The following HS2ST1 variants were observed in gnomAD, a reference collection of about 807,000 sequenced individuals.
HS2ST1 encodes the protein heparan sulfate 2-O-sulfotransferase 1, also known as 2-O-sulfotransferase.
In HS2ST1, 18 loss-of-function variants were observed where a neutral mutation model predicts 42.9. That is an observed-to-expected ratio of 0.42 (90% CI 0.29 to 0.62). The LOEUF is 0.62. Ranked by LOEUF, HS2ST1 falls within the 20% of genes least tolerant of loss-of-function variation. HS2ST1 has a pLI of 0.21. For missense variants in HS2ST1, 334 were observed against 433.8 expected, an observed-to-expected ratio of 0.77 and a Z score of 2.04; for synonymous variants, 146 against 152.9, an observed-to-expected ratio of 0.95 and a Z score of 0.33.
At chr1:86,961,954 T>C (rs1647857949) in intron 1 of HS2ST1, among the ~76,000 whole-genome samples, 1 of 152,206 alleles carries the variant, frequency 6.6e-6, no homozygotes, top group Non-Finnish European at 1.5e-5. Context: ...GTTTTTTTTA[T>C]GACTAATATT....
At chr1:87,083,134 A>G (rs141531213) in intron 2 of HS2ST1, among the ~76,000 whole-genome samples, 80 of 152,218 alleles carry the variant, frequency 5.3e-4, no homozygotes, top group African/African-American at 1.9e-3. Context: ...TCCCTCACCT[A>G]CCAATAGGCC....
chr1:87,008,475 G>A (rs1352303668), intron 1 of HS2ST1, among the ~76,000 whole-genome samples: 1 of 152,146 alleles, frequency 6.6e-6, no homozygotes, highest in Non-Finnish European at 1.5e-5. Flanking sequence ...TAATTACTGA[G>A]CAACAATGAC....
At chr1:87,025,187 T>TAAA (rs10689285) in intron 1 of HS2ST1, among the ~76,000 whole-genome samples, 137,469 of 152,070 alleles carry the variant, frequency 0.9, 62,397 homozygotes, top group East Asian at 0.99. Context: ...ACTGGAGAAG[T>TAAA]GAAGAACAGG....
intron 2 of HS2ST1, among the ~76,000 whole-genome samples, chr1:87,081,629 C>G (rs1057255797): frequency 2.0e-5 from 3 of 151,796 alleles, no homozygotes; most frequent in African/African-American, 7.3e-5. Flanking sequence ...TCTTAAAGAG[C>G]TAGAAAAGCA....
chr1:87,039,926 T>G (rs971714623), intron 1 of HS2ST1, among the ~76,000 whole-genome samples: 4 of 152,186 alleles, frequency 2.6e-5, no homozygotes, highest in Non-Finnish European at 5.9e-5. Flanking sequence ...AAGTAGTGTC[T>G]AATTTGTGTA....
intron 4 of HS2ST1, among the ~76,000 whole-genome samples, chr1:87,094,427 G>T (rs1652016388): frequency 6.6e-6 from 1 of 152,014 alleles, no homozygotes; most frequent in Admixed American, 6.6e-5. Flanking sequence ...TATTTTTTCA[G>T]GTAGCTTGCG....
intron 1 of HS2ST1, among the ~76,000 whole-genome samples, chr1:86,919,206 A>G (rs977712056): frequency 1.3e-5 from 2 of 151,982 alleles, no homozygotes; most frequent in African/African-American, 2.4e-5. Flanking sequence ...CTGCCTTCCA[A>G]AATGCTGGGA....
At chr1:86,935,765 C>T (rs1035363617) in intron 1 of HS2ST1, among the ~76,000 whole-genome samples, 1 of 152,012 alleles carries the variant, frequency 6.6e-6, no homozygotes, top group Non-Finnish European at 1.5e-5. Context: ...CACATGGCCT[C>T]ATAATTTTCT....
intron 1 of HS2ST1, among the ~76,000 whole-genome samples, chr1:87,041,619 C>G (rs138404984): frequency 6.6e-6 from 1 of 152,208 alleles, no homozygotes; most frequent in Non-Finnish European, 1.5e-5. Context: ...TCCTGGCAAC[C>G]ATCATTCTAC....
At chr1:87,023,308 GT>G (rs1031963585) in intron 1 of HS2ST1, among the ~76,000 whole-genome samples, 10 of 151,676 alleles carry the variant, frequency 6.6e-5, no homozygotes, top group South Asian at 2.1e-4. Context: ...CATTGCAGCA[GT>G]TTTTTTTGTC....
chr1:87,055,068 C>A (rs1035807445), intron 1 of HS2ST1, among the ~76,000 whole-genome samples: 2 of 152,148 alleles, frequency 1.3e-5, no homozygotes, highest in African/African-American at 2.4e-5. Flanking sequence ...TGGGAGGGAA[C>A]AGATGCCACA....
chr1:86,958,479 G>A (rs1647736401), intron 1 of HS2ST1: 1 of 152,414 alleles, frequency 6.6e-6, no homozygotes, highest in African/African-American at 2.4e-5. Context: ...GCTGTCTCAG[G>A]AGTGGCAAAG....
chr1:86,969,918 G>A (rs1245329769), intron 1 of HS2ST1, among the ~76,000 whole-genome samples: 1 of 152,190 alleles, frequency 6.6e-6, no homozygotes, highest in South Asian at 2.1e-4. Flanking sequence ...CTGAAGTCAG[G>A]AGTTCGAGAC....
chr1:87,056,271 T>TC (rs1203676036), intron 1 of HS2ST1, among the ~76,000 whole-genome samples: 1 of 152,176 alleles, frequency 6.6e-6, no homozygotes, highest in African/African-American at 2.4e-5. Flanking sequence ...CTTCTATTCC[T>TC]CCATCATTTT....
intron 1 of HS2ST1, among the ~76,000 whole-genome samples, chr1:86,924,274 G>GC (rs1396637822): frequency 6.6e-6 from 1 of 152,166 alleles, no homozygotes; most frequent in Non-Finnish European, 1.5e-5. Context: ...GCATGATATA[G>GC]CCCCCCACTC....
intron 1 of HS2ST1, among the ~76,000 whole-genome samples, chr1:86,988,737 C>T (rs1431085313): frequency 2.0e-5 from 3 of 152,180 alleles, no homozygotes; most frequent in African/African-American, 4.8e-5. Context: ...GCCGGAATGG[C>T]GTTACATCAA....
intron 1 of HS2ST1, among the ~76,000 whole-genome samples, chr1:87,002,113 C>T (rs753351156): frequency 4.6e-5 from 7 of 151,028 alleles, no homozygotes; most frequent in African/African-American, 7.3e-5. Flanking sequence ...GGGGTTTCAC[C>T]GTGTTAGCCA....
At chr1:87,009,709 G>A (rs185007034) in intron 1 of HS2ST1, among the ~76,000 whole-genome samples, 1 of 152,206 alleles carries the variant, frequency 6.6e-6, no homozygotes, top group East Asian at 1.9e-4. Context: ...AGAGGAAGGT[G>A]TGATAGCAGG....
intron 1 of HS2ST1, among the ~76,000 whole-genome samples, chr1:87,012,184 A>G (rs1394917390): frequency 1.3e-5 from 2 of 152,122 alleles, no homozygotes; most frequent in African/African-American, 4.8e-5. Context: ...TATCCAAATC[A>G]TAGATTTTCT....
Sources: gnomAD v4.1 joint callset for allele counts (sites outside exome capture counted in the v4.1 genomes callset) on GRCh38, gnomAD v4.1.1 for gene constraint, MANE v1.5 for transcripts, NCBI Gene and HGNC (gene_info 2026-07-23, HGNC 2026-07-21) for gene names.